Variants in TNR observed in about 807,000 individuals in gnomAD.
The protein encoded by TNR is tenascin-R.
Under a neutral mutation model 150.4 loss-of-function variants are expected in TNR, and 45 were observed. The observed-to-expected ratio is 0.30, with a 90% confidence interval of 0.24 to 0.38. The LOEUF is 0.38. TNR is among the 10% of genes least tolerant of loss of function. The probability of loss-of-function intolerance (pLI) is 1.00; values close to 1 mark genes in which losing one functional copy is unlikely to be tolerated. For synonymous variants in TNR, 687 were observed against 678.4 expected, an observed-to-expected ratio of 1.01 and a Z score of -0.20; for missense variants, 1,544 against 1,759.1, an observed-to-expected ratio of 0.88 and a Z score of 2.19.
intron 1 of TNR, among the ~76,000 whole-genome samples, chr1:175,614,282 A>G (rs1411202707): frequency 5.9e-5 from 9 of 152,138 alleles, no homozygotes; most frequent in Non-Finnish European, 1.5e-5. Flanking sequence ...CAAGGTGAAG[A>G]GGGAAGCAAG....
At chr1:175,679,826 C>G (rs1270877317) in intron 1 of TNR, among the ~76,000 whole-genome samples, 3 of 152,194 alleles carry the variant, frequency 2.0e-5, no homozygotes, top group Non-Finnish European at 2.9e-5. Flanking sequence ...TTCTGTTTGG[C>G]TCAAGTCATT....
chr1:175,728,411 TG>T (rs1425695288), intron 1 of TNR, among the ~76,000 whole-genome samples: 1 of 152,170 alleles, frequency 6.6e-6, no homozygotes, highest in Non-Finnish European at 1.5e-5. Context: ...CATTAAAATT[TG>T]AGGGTCCTAA....
chr1:175,505,877 C>A (rs1282918682), intron 2 of TNR, among the ~76,000 whole-genome samples: 1 of 136,568 alleles, frequency 7.3e-6, no homozygotes, highest in African/African-American at 2.8e-5. Flanking sequence ...CCTGTCTCTA[C>A]TAAAAATACA....
At chr1:175,658,233 G>C (rs1344185442) in intron 1 of TNR, among the ~76,000 whole-genome samples, 1 of 152,120 alleles carries the variant, frequency 6.6e-6, no homozygotes, top group Non-Finnish European at 1.5e-5. Context: ...CTTGGGTCAG[G>C]ACAAGGACTG....
chr1:175,477,265 G>A (rs146634484), intron 2 of TNR, among the ~76,000 whole-genome samples: 16 of 152,174 alleles, frequency 1.1e-4, no homozygotes, highest in South Asian at 2.1e-4. Flanking sequence ...TCTAGCTCCC[G>A]CGTAAGAGGA....
chr1:175,508,830 T>C (rs1659056024), intron 2 of TNR, among the ~76,000 whole-genome samples: 1 of 152,234 alleles, frequency 6.6e-6, no homozygotes, highest in South Asian at 2.1e-4. Context: ...TTAAGCCAGT[T>C]AGTGTGGGGT....
chr1:175,519,893 A>G (rs1418691990), intron 2 of TNR, among the ~76,000 whole-genome samples: 2 of 152,210 alleles, frequency 1.3e-5, no homozygotes, highest in Admixed American at 6.5e-5. Context: ...ATGGTCTTGG[A>G]TAAATCATTC....
At chr1:175,594,337 T>C (rs1184647827) in intron 1 of TNR, among the ~76,000 whole-genome samples, 1 of 152,188 alleles carries the variant, frequency 6.6e-6, no homozygotes, top group Non-Finnish European at 1.5e-5. Context: ...TTGGACTTGC[T>C]GTTATTCCTA....
At chr1:175,703,058 TAA>T (rs11320291) in intron 1 of TNR, among the ~76,000 whole-genome samples, 6 of 143,866 alleles carry the variant, frequency 4.2e-5, no homozygotes, top group East Asian at 4.0e-4. Context: ...AGGAAAGAAG[TAA>T]AAAAAAAAAA....
intron 18 of TNR, among the ~76,000 whole-genome samples, chr1:175,340,058 T>G (rs1160227385): frequency 6.6e-6 from 1 of 152,224 alleles, no homozygotes; most frequent in African/African-American, 2.4e-5. Flanking sequence ...AAATAGTGAT[T>G]CATTTTTTAA....
chr1:175,441,656 G>A (rs949780569), intron 2 of TNR, among the ~76,000 whole-genome samples: 1 of 152,098 alleles, frequency 6.6e-6, no homozygotes, highest in Non-Finnish European at 1.5e-5. Flanking sequence ...TTGTGGGTGG[G>A]GGGTCTAGGT....
chr1:175,353,788 T>C (rs1337596809), intron 18 of TNR, among the ~76,000 whole-genome samples: 4 of 152,206 alleles, frequency 2.6e-5, no homozygotes, highest in African/African-American at 9.6e-5. Context: ...AGATAAACTT[T>C]GCTGGAAAAC....
intron 1 of TNR, among the ~76,000 whole-genome samples, chr1:175,704,288 G>A (rs1264771412): frequency 6.6e-6 from 1 of 152,180 alleles, no homozygotes; most frequent in Non-Finnish European, 1.5e-5. Flanking sequence ...TGTGACAAGA[G>A]GAAGACTTTA....
intron 2 of TNR, among the ~76,000 whole-genome samples, chr1:175,498,029 T>C (rs981347338): frequency 5.3e-5 from 8 of 152,074 alleles, no homozygotes; most frequent in Non-Finnish European, 1.2e-4. Context: ...CACTGCCCTC[T>C]AGCCTGGGTA....
At chr1:175,672,935 T>C (rs1298022483) in intron 1 of TNR, among the ~76,000 whole-genome samples, 1 of 152,176 alleles carries the variant, frequency 6.6e-6, no homozygotes, top group African/African-American at 2.4e-5. Context: ...TCTCTGCTCA[T>C]TCCTCTGCTT....
intron 1 of TNR, among the ~76,000 whole-genome samples, chr1:175,613,104 G>A (rs1207602233): frequency 6.6e-6 from 1 of 152,238 alleles, no homozygotes; most frequent in African/African-American, 2.4e-5. Flanking sequence ...GAGTTAGAAA[G>A]CAGTGAAAGG....
chr1:175,685,938 G>T (rs1666183790), intron 1 of TNR, among the ~76,000 whole-genome samples: 1 of 151,736 alleles, frequency 6.6e-6, no homozygotes. Context: ...GAGAGAAGTG[G>T]CCTTAAACAA....
chr1:175,686,374 A>G (rs1024946376), intron 1 of TNR, among the ~76,000 whole-genome samples: 3 of 152,254 alleles, frequency 2.0e-5, no homozygotes, highest in African/African-American at 7.2e-5. Flanking sequence ...CATAGAGAGC[A>G]CTAGTAATGC....
intron 1 of TNR, among the ~76,000 whole-genome samples, chr1:175,573,084 G>T (rs984234549): frequency 2.6e-5 from 4 of 152,144 alleles, no homozygotes; most frequent in African/African-American, 9.7e-5. Flanking sequence ...AGTTTTTAGT[G>T]GTCCAAATTG....
Sources: allele counts gnomAD v4.1 joint callset (sites outside exome capture counted in the v4.1 genomes callset), GRCh38; gene constraint gnomAD v4.1.1; transcripts MANE v1.5; gene names NCBI Gene and HGNC (gene_info 2026-07-23, HGNC 2026-07-21).